SYNDIG1: variants seen among roughly 807,000 people sequenced by gnomAD.
SYNDIG1 encodes synapse differentiation inducing 1, also known as synapse differentiation-inducing gene protein 1.
A neutral mutation model predicts 19.4 loss-of-function variants in SYNDIG1; 9 were observed. That is an observed-to-expected ratio of 0.46 (90% confidence interval 0.28 to 0.81). The LOEUF is 0.81. Among genes scored for constraint, SYNDIG1 ranks in the 30% least tolerant of loss-of-function variants. The probability of loss-of-function intolerance (pLI) is 0.12; values close to 1 mark genes in which losing one functional copy is unlikely to be tolerated. For synonymous variants in SYNDIG1, 141 were observed against 145.9 expected (o/e 0.97, Z 0.24); for missense variants, 311 against 343.3 (o/e 0.91, Z 0.74).
intron 3 of SYNDIG1, among the ~76,000 whole-genome samples, chr20:24,635,558 C>G (rs183769064): frequency 2.6e-5 from 4 of 152,322 alleles, no homozygotes; most frequent in African/African-American, 7.2e-5. Flanking sequence ...CAGTTCTCAT[C>G]TTTCTTATTA....
chr20:24,531,912 A>G (rs1048049747), intron 1 of SYNDIG1, among the ~76,000 whole-genome samples: 1 of 152,248 alleles, frequency 6.6e-6, no homozygotes, highest in Non-Finnish European at 1.5e-5. Context: ...TCTATCTCAC[A>G]GTGAGTAAGC....
chr20:24,511,030 T>C (rs537879991), intron 1 of SYNDIG1, among the ~76,000 whole-genome samples: 6 of 152,362 alleles, frequency 3.9e-5, no homozygotes, highest in Admixed American at 6.5e-5. Context: ...ATTTGCCTTG[T>C]CTCTTTTAAT....
At chr20:24,651,645 G>A (rs1214594745) in intron 3 of SYNDIG1, among the ~76,000 whole-genome samples, 1 of 152,242 alleles carries the variant, frequency 6.6e-6, no homozygotes, top group Non-Finnish European at 1.5e-5. Flanking sequence ...CACTGGAGGA[G>A]AGTGGCTGTC....
intron 2 of SYNDIG1, among the ~76,000 whole-genome samples, chr20:24,576,624 C>G (rs967492412): frequency 6.6e-6 from 1 of 152,132 alleles, no homozygotes; most frequent in Non-Finnish European, 1.5e-5. Flanking sequence ...TTGGCGCTGA[C>G]GGGAAGGGAG....
chr20:24,606,786 A>G (rs1331886459), intron 3 of SYNDIG1, among the ~76,000 whole-genome samples: 1 of 152,138 alleles, frequency 6.6e-6, no homozygotes, highest in Non-Finnish European at 1.5e-5. Flanking sequence ...AAGCAAGAAG[A>G]TTGGAGTCAG....
Position 24,658,114 on chromosome 20 carries a change from G to A in SYNDIG1, c.619-7232G>A, listed in dbSNP as rs1466680859. On this transcript the variant is annotated intron_variant, in intron 3 of 3. Transcript: ENST00000376862. This position sits in a 1 kb window ranked among gnomAD's most constrained non-coding sequence, Gnocchi z 4.4. The stretch of plus-strand genomic sequence containing the variant: ...AACTGACTGCAGGAGAAACAATGCA[G>A]CCGGGGTAGACCTCAGAAAACGTCA... Among the ~76,000 whole-genome samples, 3 of 152,300 alleles carry A rather than the reference G, an allele frequency of 2.0e-5. No homozygotes were observed. The highest frequency in any genetic ancestry group is 3.9e-4 in the East Asian group (2 of 5,178).
chr20:24,586,995 A>G (rs532382997), intron 3 of SYNDIG1, among the ~76,000 whole-genome samples: 1 of 152,248 alleles, frequency 6.6e-6, no homozygotes, highest in East Asian at 1.9e-4. Flanking sequence ...TTTCTCAGAA[A>G]GTAATTTTAT....
At chr20:24,660,628 T>C (rs1223447598) in intron 3 of SYNDIG1, among the ~76,000 whole-genome samples, 4 of 152,250 alleles carry the variant, frequency 2.6e-5, no homozygotes, top group Non-Finnish European at 5.9e-5. Context: ...ACTCACATTG[T>C]CACAGGAGGC....
At chr20:24,512,216 TGAA>T (rs1335206791) in intron 1 of SYNDIG1, among the ~76,000 whole-genome samples, 1 of 145,502 alleles carries the variant, frequency 6.9e-6, no homozygotes. Context: ...GCGTGAGCGA[TGAA>T]GAAGATGGGT....
At chr20:24,519,841 A>G (rs2056967815) in intron 1 of SYNDIG1, among the ~76,000 whole-genome samples, 1 of 150,154 alleles carries the variant, frequency 6.7e-6, no homozygotes. Context: ...GCGCACATGC[A>G]CACACACACA....
At chr20:24,479,881 C>A (rs2146233254) in intron 1 of SYNDIG1, among the ~76,000 whole-genome samples, 1 of 152,336 alleles carries the variant, frequency 6.6e-6, no homozygotes, top group Middle Eastern at 3.4e-3. Context: ...TCCCTGTTCA[C>A]CCTCCAGCCT....
intron 1 of SYNDIG1, among the ~76,000 whole-genome samples, chr20:24,511,033 C>G (rs180725560): frequency 9.8e-5 from 15 of 152,288 alleles, no homozygotes; most frequent in Admixed American, 8.5e-4. Context: ...TGCCTTGTCT[C>G]TTTTAATAAT....
intron 1 of SYNDIG1, among the ~76,000 whole-genome samples, chr20:24,481,835 A>C (rs773708221): frequency 9.2e-5 from 14 of 152,216 alleles, no homozygotes; most frequent in Non-Finnish European, 1.9e-4. Context: ...TTTCATAAAA[A>C]GTTCTGAATG....
chr20:24,478,364 C>T (rs1319610539), intron 1 of SYNDIG1, among the ~76,000 whole-genome samples: 2 of 152,160 alleles, frequency 1.3e-5, no homozygotes, highest in Non-Finnish European at 2.9e-5. Context: ...GTGACTCCCT[C>T]GGCGAGCTCC....
rs1271386536 is a variant in SYNDIG1 at position 24,503,597 on chromosome 20, A to C, written c.-79+33844A>C. The stretch of plus-strand genomic sequence containing the variant: ...AATCCCCCAATGGGAATGCCTCCCC[A>C]GCCCCCCAGCGCTCCAGTCCCTCTG... On this transcript the variant is annotated intron_variant, in intron 1 of 3. Coordinates refer to ENST00000376862, the MANE Select transcript of SYNDIG1 (RefSeq NM_024893.3). 2.9e-5 allele frequency among the ~76,000 whole-genome samples: 4 copies of C among 136,392 alleles called. No individual in the cohort carries two copies. The South Asian group carries it at 7.5e-4, about 26-fold the overall frequency. 89.5% of individuals were successfully genotyped at this position (136,392 alleles called of 152,430 possible).
chr20:24,639,101 A>G (rs2059346635), intron 3 of SYNDIG1, among the ~76,000 whole-genome samples: 1 of 152,222 alleles, frequency 6.6e-6, no homozygotes, highest in African/African-American at 2.4e-5. Flanking sequence ...CACACACATT[A>G]TTATAATACA....
At chr20:24,661,540 G>GGAAA (rs2059601231) in intron 3 of SYNDIG1, among the ~76,000 whole-genome samples, 2 of 136,896 alleles carry the variant, frequency 1.5e-5, no homozygotes, top group Non-Finnish European at 1.6e-5. Context: ...AAAGGAGGAA[G>GGAAA]GAGGGAGGGA....
chr20:24,650,903 T>C (rs1451200892), intron 3 of SYNDIG1, among the ~76,000 whole-genome samples: 2 of 152,276 alleles, frequency 1.3e-5, no homozygotes, highest in East Asian at 1.9e-4. Flanking sequence ...TGGTGCGATC[T>C]CGGCTCACTG....
rs543880949 is a variant in SYNDIG1 at position 24,547,662 on chromosome 20, T to C, written c.480+4085T>C. On this transcript the variant is annotated intron_variant, in intron 2 of 3. Coordinates refer to ENST00000376862, the MANE Select transcript of SYNDIG1 (RefSeq NM_024893.3). ...CCTGATGTCCGACAGCCCAGGCCTC[T>C]TCCCAGGTATGTGAACACTGCTTCA... Among the ~76,000 whole-genome samples, 10 of 152,328 alleles carry C rather than the reference T, an allele frequency of 6.6e-5. No individual in the cohort carries two copies. In the South Asian group the frequency reaches 2.1e-3, roughly 32 times the overall value.
Sources: allele counts gnomAD v4.1 joint callset (sites outside exome capture counted in the v4.1 genomes callset), GRCh38; gene constraint gnomAD v4.1.1; non-coding constraint Gnocchi (gnomAD v3.1); transcripts MANE v1.5; gene names NCBI Gene and HGNC (gene_info 2026-07-23, HGNC 2026-07-21).